The following KCNJ4 variants were observed in gnomAD, a reference collection of about 807,000 sequenced individuals.
KCNJ4 encodes inward rectifier potassium channel 4.
Under a neutral mutation model 25.6 loss-of-function variants are expected in KCNJ4, and 3 were observed. The ratio of observed to expected loss-of-function variants is 0.12; its 90% CI spans 0.05 to 0.30. The LOEUF (loss-of-function observed/expected upper bound fraction) is 0.30, where lower values mean the gene tolerates loss of function less well. Ranked by LOEUF, KCNJ4 falls within the 10% of genes least tolerant of loss-of-function variation. The probability of loss-of-function intolerance (pLI) is 1.00; values close to 1 mark genes in which losing one functional copy is unlikely to be tolerated. For synonymous variants in KCNJ4, 257 were observed against 283.9 expected, an observed-to-expected ratio of 0.91 and a Z score of 0.95; for missense variants, 286 against 666.8, an observed-to-expected ratio of 0.43 and a Z score of 6.29.
intron 1 of KCNJ4, among the ~76,000 whole-genome samples, chr22:38,451,651 T>C (rs1367343733): frequency 6.6e-6 from 1 of 152,158 alleles, no homozygotes; most frequent in East Asian, 1.9e-4. Flanking sequence ...CAGATAGAGC[T>C]GGGAGCCAGA....
At chr22:38,452,890 C>T (rs1411126426) in intron 1 of KCNJ4, among the ~76,000 whole-genome samples, 1 of 151,974 alleles carries the variant, frequency 6.6e-6, no homozygotes, top group African/African-American at 2.4e-5. Context: ...ACCCCCACCC[C>T]ACACTGCTCC....
intron 1 of KCNJ4, among the ~76,000 whole-genome samples, chr22:38,435,815 G>C (rs1468493411): frequency 6.6e-6 from 1 of 152,146 alleles, no homozygotes; most frequent in East Asian, 1.9e-4. Flanking sequence ...GATTGGAGGG[G>C]CTTTCCACTC....
rs1569124912 is a variant in KCNJ4 at position 38,449,771 on chromosome 22, CT to C, written c.-40+5208del. Among the ~76,000 whole-genome samples, 1 of 152,274 alleles carries C rather than the reference CT, an allele frequency of 6.6e-6. No homozygotes were observed. The highest frequency in any genetic ancestry group is 6.5e-5 in the Admixed American group (1 of 15,294). On this transcript the variant is annotated intron_variant, in intron 1 of 1. Coordinates refer to ENST00000303592, the MANE Select transcript of KCNJ4 (RefSeq NM_152868.3). This position sits in a 1 kb window ranked among gnomAD's most constrained non-coding sequence, Gnocchi z 5.2. ...TCCCCTTGCTGAGCCTCAGTTTCCC[CT>C]TCTGTAAATGAGAATCATCTATGTC...
chr22:38,439,136 C>T (rs914455675), intron 1 of KCNJ4, among the ~76,000 whole-genome samples: 3 of 152,138 alleles, frequency 2.0e-5, no homozygotes, highest in Non-Finnish European at 4.4e-5. Context: ...CCCAGCTACT[C>T]AGGAGGCTGA....
chr22:38,433,186 G>A (rs913943105), intron 1 of KCNJ4, among the ~76,000 whole-genome samples: 39 of 152,210 alleles, frequency 2.6e-4, no homozygotes, highest in Admixed American at 1.1e-3. Flanking sequence ...GGTGGCTCAC[G>A]CCTGTAATCC....
At chr22:38,429,444 G>A (rs1327055695) in intron 1 of KCNJ4, among the ~76,000 whole-genome samples, 2 of 152,210 alleles carry the variant, frequency 1.3e-5, no homozygotes, top group African/African-American at 2.4e-5. Context: ...AGTGGGAGGG[G>A]AGGACACACC....
intron 1 of KCNJ4, among the ~76,000 whole-genome samples, chr22:38,430,688 C>G (rs1444456291): frequency 1.3e-5 from 2 of 152,274 alleles, no homozygotes; most frequent in African/African-American, 4.8e-5. Context: ...GTTCTGGGGC[C>G]AGGCACACCT....
intron 1 of KCNJ4, among the ~76,000 whole-genome samples, chr22:38,428,953 G>A (rs1409380195): frequency 1.3e-5 from 2 of 152,108 alleles, no homozygotes; most frequent in East Asian, 1.9e-4. Context: ...GCATGGTGGT[G>A]CATGCCTCTG....
intron 1 of KCNJ4, among the ~76,000 whole-genome samples, chr22:38,445,931 G>A (rs931300278): frequency 2.0e-4 from 31 of 152,252 alleles, no homozygotes; most frequent in African/African-American, 7.5e-4. Context: ...GGAATTGTTG[G>A]ATGTTATGGG....
chr22:38,444,003 G>C (rs771307012), intron 1 of KCNJ4, among the ~76,000 whole-genome samples: 1 of 152,046 alleles, frequency 6.6e-6, no homozygotes, highest in Non-Finnish European at 1.5e-5. Context: ...CCTTTGCACT[G>C]GCTGTTCTTT....
At chr22:38,437,244 G>A (rs1356961169) in intron 1 of KCNJ4, among the ~76,000 whole-genome samples, 1 of 152,230 alleles carries the variant, frequency 6.6e-6, no homozygotes, top group African/African-American at 2.4e-5. Context: ...GGCCTTTGGT[G>A]AGGGCCAAAT....
At chr22:38,441,261 C>G (rs1434260780) in intron 1 of KCNJ4, among the ~76,000 whole-genome samples, 1 of 152,130 alleles carries the variant, frequency 6.6e-6, no homozygotes, top group Non-Finnish European at 1.5e-5. Context: ...TGGCTTCCCT[C>G]CCTCCCCAGC....
chr22:38,438,219 G>T (rs1312716902), intron 1 of KCNJ4, among the ~76,000 whole-genome samples: 1 of 129,478 alleles, frequency 7.7e-6, no homozygotes, highest in Non-Finnish European at 1.6e-5. Context: ...CAGCCTGGGC[G>T]ACAGAGCGAT....
chr22:38,429,670 T>G (rs895989818), intron 1 of KCNJ4, among the ~76,000 whole-genome samples: 1 of 152,116 alleles, frequency 6.6e-6, no homozygotes, highest in Non-Finnish European at 1.5e-5. Context: ...CTCACCCCAC[T>G]GGGTGGCGGG....
At position 38,427,329 on chromosome 22, in the gene KCNJ4, G is replaced by A. The variant is rs747741333; in HGVS notation, c.804C>T (p.Asp268=). 1 of 1,614,068 alleles carries A rather than the reference G, an allele frequency of 6.2e-7. No homozygotes were observed. The highest frequency in any genetic ancestry group is 1.1e-5 in the South Asian group (1 of 91,074). ...CCTTGCCCATGCCATAAAGCGGGCT[G>A]TCCTCGTCGATCTCGTGGACAATGA... ...PIIIVHEIDE[D]SPLYGMGKEE... is the part of the protein sequence containing the mutation. The change falls in exon 2 of 2, where the codon GAC becomes GAT. Residue 268 remains aspartate (D), a synonymous_variant. Coordinates refer to ENST00000303592, the MANE Select transcript of KCNJ4 (RefSeq NM_152868.3).
intron 1 of KCNJ4, among the ~76,000 whole-genome samples, chr22:38,442,587 A>AAC (rs2089343715): frequency 6.7e-6 from 1 of 150,154 alleles, no homozygotes; most frequent in South Asian, 2.1e-4. Context: ...AAAGTCTGAG[A>AAC]ACACTTCACC....
At chr22:38,453,003 T>A (rs905263529) in intron 1 of KCNJ4, among the ~76,000 whole-genome samples, 1 of 129,020 alleles carries the variant, frequency 7.8e-6, no homozygotes, top group Admixed American at 8.3e-5. Flanking sequence ...AGGGGCCCCC[T>A]CCTCCTCACA....
At chr22:38,434,403 T>A (rs751513660) in intron 1 of KCNJ4, among the ~76,000 whole-genome samples, 2 of 152,212 alleles carry the variant, frequency 1.3e-5, no homozygotes. Flanking sequence ...AGCATCACTG[T>A]ATCCTTTGTG....
At chr22:38,444,860 C>A (rs2089362705) in intron 1 of KCNJ4, among the ~76,000 whole-genome samples, 2 of 152,210 alleles carry the variant, frequency 1.3e-5, no homozygotes, top group Admixed American at 6.5e-5. Flanking sequence ...TCATTCATCA[C>A]CCTAAATGTC....
Sources: allele counts gnomAD v4.1 joint callset (sites outside exome capture counted in the v4.1 genomes callset), GRCh38; gene constraint gnomAD v4.1.1; non-coding constraint Gnocchi (gnomAD v3.1); transcripts MANE v1.5; gene names NCBI Gene and HGNC (gene_info 2026-07-23, HGNC 2026-07-21).